The following HADHB variants were observed in gnomAD, a reference collection of about 807,000 sequenced individuals.
The protein encoded by HADHB is trifunctional enzyme subunit beta, mitochondrial.
A neutral mutation model predicts 61.9 loss-of-function variants in HADHB; 50 were observed. The ratio of observed to expected loss-of-function variants is 0.81; its 90% CI spans 0.64 to 1.02. The LOEUF (loss-of-function observed/expected upper bound fraction) is 1.02. HADHB is among the 50% of genes least tolerant of loss of function. The pLI is 0.00. For synonymous variants in HADHB, 191 were observed against 201.6 expected (o/e 0.95, Z 0.45); for missense variants, 504 against 586.5 (o/e 0.86, Z 1.45).
chr2:26,248,367 T>C (rs184778649), intron 1 of HADHB, among the ~76,000 whole-genome samples: 166 of 152,306 alleles, frequency 1.1e-3, no homozygotes, highest in Non-Finnish European at 1.7e-3. Context: ...AGTGCTATAG[T>C]GAACACCTTG....
chr2:26,281,189 A>G (rs766662237), intron 10 of HADHB, among the ~76,000 whole-genome samples: 3 of 152,042 alleles, frequency 2.0e-5, no homozygotes, highest in Non-Finnish European at 2.9e-5. Flanking sequence ...TGACTCCTCA[A>G]TTAAACATCT....
chr2:26,280,821 C>T (rs1490619691), intron 10 of HADHB, among the ~76,000 whole-genome samples: 1 of 127,794 alleles, frequency 7.8e-6, no homozygotes, highest in Non-Finnish European at 1.6e-5. Context: ...CACCATTGCA[C>T]TCCAGCCTGC....
chr2:26,249,141 T>A (rs1183791659), intron 1 of HADHB, among the ~76,000 whole-genome samples: 2 of 152,218 alleles, frequency 1.3e-5, no homozygotes, highest in Non-Finnish European at 2.9e-5. Context: ...ATTTCTTCTG[T>A]GAATGGCTTG....
At chr2:26,273,153 G>T (rs1163736487) in intron 5 of HADHB, among the ~76,000 whole-genome samples, 1 of 151,556 alleles carries the variant, frequency 6.6e-6, no homozygotes, top group Non-Finnish European at 1.5e-5. Flanking sequence ...GTGTTATTGT[G>T]TCTAGTTTCT....
At position 26,285,526 on chromosome 2, in the gene HADHB, A is replaced by G; in HGVS notation, c.1344A>G (p.Glu448=). ...CTGCTGCCAACAGATTACGGAAAGA[A>G]GGAGGCCAGTATGGCTTAGTGGCTG... is the stretch of plus-strand genomic sequence containing the variant. The part of the protein sequence containing the change: ...VMAAANRLRK[E]GGQYGLVAAC... The change falls in exon 15 of 16, where the codon GAA becomes GAG. Residue 448 remains glutamate, a synonymous_variant. Transcript: ENST00000317799. 1 of 1,614,140 alleles carries G rather than the reference A, an allele frequency of 6.2e-7. No homozygotes were observed. The highest frequency in any genetic ancestry group is 8.5e-7 in the Non-Finnish European group (1 of 1,180,004).
Position 26,249,670 on chromosome 2 carries a change from C to A in HADHB, c.-8-4577C>A, listed in dbSNP as rs535833368. Reference sequence around the variant, plus strand: ...TGTTTGGTGTTAGCTCTATCTTAGCCTAGCTTTGTTAATGTTTGCAAATTG... The same window carrying A: ...TGTTTGGTGTTAGCTCTATCTTAGCATAGCTTTGTTAATGTTTGCAAATTG... On this transcript the variant is annotated intron_variant, in intron 1 of 15. Coordinates refer to ENST00000317799, the MANE Select transcript of HADHB (RefSeq NM_000183.3). 2.0e-5 allele frequency among the ~76,000 whole-genome samples: 3 copies of A among 151,868 alleles called. No individual in the cohort carries two copies. In the South Asian group the frequency reaches 6.2e-4, roughly 32 times the overall value.
At chr2:26,247,571 C>T (rs1395122584) in intron 1 of HADHB, among the ~76,000 whole-genome samples, 1 of 152,092 alleles carries the variant, frequency 6.6e-6, no homozygotes, top group Admixed American at 6.5e-5. Flanking sequence ...GTACAGTCGG[C>T]CCTTGGTATC....
rs895487152 is a variant in HADHB, at chr2:26,267,624, T to C, written c.210-2329T>C. On this transcript the variant is annotated intron_variant, in intron 4 of 15. Transcript: ENST00000317799. ...CCTTCTCTACTAAAAATACAAAAATTAGCTGGATTTGGTGGCAGGCGCCTA... is the reference window on the plus strand; with the variant it reads ...CCTTCTCTACTAAAAATACAAAAATCAGCTGGATTTGGTGGCAGGCGCCTA... 5.3e-5 allele frequency among the ~76,000 whole-genome samples: 8 copies of C among 151,232 alleles called. No homozygotes were observed. In the South Asian group the frequency reaches 1.5e-3, roughly 28 times the overall value.
chr2:26,248,229 A>C (rs545347714), intron 1 of HADHB, among the ~76,000 whole-genome samples: 33 of 152,318 alleles, frequency 2.2e-4, no homozygotes, highest in Middle Eastern at 3.4e-3. Context: ...ATACATGTAC[A>C]TCATTTTGTT....
Position 26,267,880 on chromosome 2 carries a change from A to G in HADHB, c.210-2073A>G, listed in dbSNP as rs1229622239. Among the ~76,000 whole-genome samples the G allele has an allele frequency of 2.0e-5, 3 of 151,960 alleles. No individual in the cohort carries two copies. The East Asian group carries it at 5.8e-4, about 29-fold the overall frequency. ...GAGGACTGTGTACAGTGGTTCACAC[A>G]TGTAATCCCAGCACTTTGGGAGGCT... is the stretch of plus-strand genomic sequence containing the variant. On this transcript the variant is annotated intron_variant, in intron 4 of 15. Coordinates refer to ENST00000317799, the MANE Select transcript of HADHB (RefSeq NM_000183.3).
intron 3 of HADHB, among the ~76,000 whole-genome samples, chr2:26,257,027 T>G (rs1466288780): frequency 6.6e-6 from 1 of 152,178 alleles, no homozygotes; most frequent in Non-Finnish European, 1.5e-5. Flanking sequence ...TTTTTCTTAT[T>G]TATTTATAAG....
intron 1 of HADHB, among the ~76,000 whole-genome samples, chr2:26,251,915 G>A (rs1377491753): frequency 6.6e-6 from 1 of 152,204 alleles, no homozygotes; most frequent in Non-Finnish European, 1.5e-5. Flanking sequence ...CCATCTCATA[G>A]TTTCTGAAGG....
At chr2:26,277,036 C>G in intron 6 of HADHB, 37 bp from the exon 7 acceptor site, 1 of 995,900 alleles carries the variant, frequency 1.0e-6, no homozygotes, top group Non-Finnish European at 1.6e-6. Flanking sequence ...ATGCCCTTCC[C>G]TTATAGTGAT....
chr2:26,259,880 G>C (rs1476587318), intron 3 of HADHB, among the ~76,000 whole-genome samples: 1 of 152,054 alleles, frequency 6.6e-6, no homozygotes, highest in Admixed American at 6.6e-5. Flanking sequence ...CCAGGCAGAT[G>C]GGAGGTCCAT....
intron 5 of HADHB, among the ~76,000 whole-genome samples, chr2:26,273,350 A>G (rs962335780): frequency 3.3e-5 from 5 of 151,900 alleles, no homozygotes; most frequent in African/African-American, 7.3e-5. Context: ...TTTGGTTTCT[A>G]CTAACATTAA....
chr2:26,285,496 C>A lies in HADHB; in HGVS notation c.1314C>A (p.Val438=). 2 of 1,613,832 alleles carry A rather than the reference C, an allele frequency of 1.2e-6. No individual in the cohort carries two copies. The highest frequency in any genetic ancestry group is 1.7e-6 in the Non-Finnish European group (2 of 1,179,824). Residue 438 remains valine, a synonymous_variant, in exon 15 of 16, where the codon GTC becomes GTA. Coordinates refer to ENST00000317799, the MANE Select transcript of HADHB (RefSeq NM_000183.3). Reference sequence around the variant, plus strand: ...TTGGAGCCACTGGCTGCAGGTTGGTCATGGCTGCTGCCAACAGATTACGGA... The same window carrying A: ...TTGGAGCCACTGGCTGCAGGTTGGTAATGGCTGCTGCCAACAGATTACGGA... ...HPFGATGCRL[V]MAAANRLRKE...
chr2:26,280,288 G>A (rs1672732727), intron 10 of HADHB, among the ~76,000 whole-genome samples, 173 bp downstream of exon 10: 1 of 151,932 alleles, frequency 6.6e-6, no homozygotes, highest in South Asian at 2.1e-4. Context: ...CGGTTTTAAG[G>A]CCCGAGAAGT....
At position 26,273,681 on chromosome 2, in the gene HADHB, G is replaced by T. The variant is rs779315851; in HGVS notation, c.285G>T (p.Lys95Asn). 10 of 1,607,696 alleles carry T rather than the reference G, an allele frequency of 6.2e-6. No individual in the cohort carries two copies. Residue 95 changes from lysine to asparagine, a missense_variant, in exon 6 of 16, where the codon AAG (lysine) becomes AAT (asparagine). Coordinates refer to ENST00000317799, the MANE Select transcript of HADHB (RefSeq NM_000183.3). ...TGTTGCATCGGACCAGTGTCCCTAA[G>T]GAAGTAGTTGATTATATCATCTTTG... ...TGLLHRTSVP[K>N]EVVDYIIFGT... is the part of the protein sequence containing the mutation.
At chr2:26,269,004 C>A (rs1672219421) in intron 4 of HADHB, among the ~76,000 whole-genome samples, 1 of 152,054 alleles carries the variant, frequency 6.6e-6, no homozygotes, top group Non-Finnish European at 1.5e-5. Context: ...AAAAAATCAG[C>A]TGGGCGTGGT....
Sources: gnomAD v4.1 joint callset for allele counts (sites outside exome capture counted in the v4.1 genomes callset) on GRCh38, gnomAD v4.1.1 for gene constraint, MANE v1.5 for transcripts, NCBI Gene and HGNC (gene_info 2026-07-23, HGNC 2026-07-21) for gene names.